Variants in ZNF44 observed in about 807,000 individuals in gnomAD.
The protein encoded by ZNF44 is gonadotropin inducible transcription repressor-2.
In ZNF44, 9 loss-of-function variants were observed where a neutral mutation model predicts 11.7. The observed-to-expected ratio is 0.77, with a 90% CI of 0.46 to 1.35. ZNF44 has a LOEUF of 1.35. Among genes scored for constraint, ZNF44 ranks in the 40% most tolerant of loss-of-function variants. ZNF44 has a pLI of 0.00. For missense variants in ZNF44, 696 were observed against 743.1 expected, an observed-to-expected ratio of 0.94 and a Z score of 0.74; for synonymous variants, 224 against 242.7, an observed-to-expected ratio of 0.92 and a Z score of 0.72.
chr19:12,249,169 G>A (rs1041463261), intron 7 of ZNF44, among the ~76,000 whole-genome samples: 1 of 151,638 alleles, frequency 6.6e-6, no homozygotes, highest in South Asian at 2.1e-4. Context: ...TTATAGGCGG[G>A]AGCCACCGCG....
chr19:12,282,281 C>T (rs905717619), intron 1 of ZNF44, among the ~76,000 whole-genome samples: 2 of 152,126 alleles, frequency 1.3e-5, no homozygotes, highest in East Asian at 3.8e-4. Flanking sequence ...TCTTTCTCTA[C>T]ACACATTAGG....
intron 1 of ZNF44, among the ~76,000 whole-genome samples, chr19:12,288,385 T>C (rs1967849656): frequency 1.3e-5 from 2 of 152,052 alleles, no homozygotes; most frequent in African/African-American, 4.8e-5. Flanking sequence ...ACCAACTCAC[T>C]GAATACAAAA....
chr19:12,253,903 C>T (rs574757642), intron 5 of ZNF44, among the ~76,000 whole-genome samples: 6 of 152,126 alleles, frequency 3.9e-5, no homozygotes, highest in African/African-American at 9.6e-5. Flanking sequence ...CGCTTGAACC[C>T]GGGAGGCAGG....
At chr19:12,286,870 A>G (rs533332293) in intron 1 of ZNF44, among the ~76,000 whole-genome samples, 2 of 151,954 alleles carry the variant, frequency 1.3e-5, no homozygotes, top group African/African-American at 4.8e-5. Flanking sequence ...GGTTGCAGTG[A>G]GCCAAGATTG....
chr19:12,259,806 A>T (rs1208672997), intron 5 of ZNF44, among the ~76,000 whole-genome samples: 1 of 152,194 alleles, frequency 6.6e-6, no homozygotes, highest in East Asian at 1.9e-4. Context: ...TCCCCCACTA[A>T]ACCCAAAGGT....
chr19:12,256,879 A>C (rs1450237633), intron 5 of ZNF44, among the ~76,000 whole-genome samples: 1 of 151,642 alleles, frequency 6.6e-6, no homozygotes, highest in Non-Finnish European at 1.5e-5. Context: ...AAATTTTTGC[A>C]TTTTTTAAAG....
At chr19:12,242,459 G>A (rs56192405), upstream of ZNF44, among the ~76,000 whole-genome samples, 1,902 of 150,178 alleles carry the variant, frequency 0.013, 37 homozygotes, top group African/African-American at 0.045. Flanking sequence ...GCAGTGAGCC[G>A]AGATTGCACT....
downstream of ZNF44, chr19:12,247,525 A>C: frequency 5.2e-6 from 7 of 1,351,150 alleles, no homozygotes; most frequent in Non-Finnish European, 6.9e-6. Flanking sequence ...TTACATTCAT[A>C]AGGTTTCTCT....
chr19:12,238,396 G>A (rs565236915), upstream of ZNF44, among the ~76,000 whole-genome samples: 1 of 152,124 alleles, frequency 6.6e-6, no homozygotes, highest in South Asian at 2.1e-4. Flanking sequence ...GGAGGCCAAG[G>A]CGGGCGGACC....
chr19:12,286,015 TCTCAAAAAAAA>T (rs1199462749), intron 1 of ZNF44, among the ~76,000 whole-genome samples: 1 of 151,704 alleles, frequency 6.6e-6, no homozygotes, highest in Non-Finnish European at 1.5e-5. Context: ...CGAGACTCCA[TCTCAAAAAAAA>T]CTCAAAAAAA....
chr19:12,286,069 T>C (rs1967733732), intron 1 of ZNF44, among the ~76,000 whole-genome samples: 1 of 152,048 alleles, frequency 6.6e-6, no homozygotes, highest in African/African-American at 2.4e-5. Context: ...AATGTGTGAG[T>C]AAACTGCATG....
At chr19:12,277,517 TA>T (rs919170125) in intron 1 of ZNF44, among the ~76,000 whole-genome samples, 39 of 151,894 alleles carry the variant, frequency 2.6e-4, no homozygotes, top group African/African-American at 8.9e-4. Context: ...TAAAGATGCT[TA>T]AAAAAAACCT....
intron 1 of ZNF44, chr19:12,293,513 T>C: frequency 1.4e-6 from 1 of 727,490 alleles, no homozygotes; most frequent in Non-Finnish European, 2.1e-6. Flanking sequence ...TATTCTCTTC[T>C]TCCTCACATG....
intron 1 of ZNF44, among the ~76,000 whole-genome samples, chr19:12,293,610 T>C (rs75899588): frequency 2.6e-5 from 4 of 152,234 alleles, no homozygotes; most frequent in Non-Finnish European, 4.4e-5. Flanking sequence ...CTGTGTCTAT[T>C]TGAAATATCG....
At chr19:12,260,499 G>A (rs958547277) in intron 5 of ZNF44, 62 of 1,282,984 alleles carry the variant, frequency 4.8e-5, no homozygotes, top group Middle Eastern at 2.6e-4. Context: ...GCCTGTGATG[G>A]TGAAGCGGAA....
At chr19:12,256,176 G>C (rs1435734709) in intron 5 of ZNF44, among the ~76,000 whole-genome samples, 2 of 151,862 alleles carry the variant, frequency 1.3e-5, no homozygotes, top group African/African-American at 2.4e-5. Context: ...GCAAGTCACA[G>C]CATAACTGGA....
chr19:12,249,166 C>T (rs1482723417), intron 7 of ZNF44, among the ~76,000 whole-genome samples: 2 of 151,524 alleles, frequency 1.3e-5, no homozygotes, highest in Admixed American at 6.6e-5. Context: ...GGATTATAGG[C>T]GGGAGCCACC....
At chr19:12,243,159 A>G (rs968328643), downstream of ZNF44, among the ~76,000 whole-genome samples, 2 of 152,198 alleles carry the variant, frequency 1.3e-5, no homozygotes, top group Admixed American at 6.5e-5. Context: ...TTTATTTTAA[A>G]ATACTTCACA....
intron 1 of ZNF44, among the ~76,000 whole-genome samples, chr19:12,285,529 C>G (rs1286491160): frequency 4.6e-5 from 7 of 152,202 alleles, no homozygotes; most frequent in South Asian, 2.1e-4. Flanking sequence ...GCTGGGACAA[C>G]AGGCGTGAGC....
Sources: gnomAD v4.1 joint callset for allele counts (sites outside exome capture counted in the v4.1 genomes callset) on GRCh38, gnomAD v4.1.1 for gene constraint, MANE v1.5 for transcripts, NCBI Gene and HGNC (gene_info 2026-07-23, HGNC 2026-07-21) for gene names.